Variants in EFNA5 observed in about 807,000 individuals in gnomAD.
The protein encoded by EFNA5 is ephrin A5.
Under a neutral mutation model 22.9 loss-of-function variants are expected in EFNA5, and 5 were observed. The ratio of observed to expected loss-of-function variants is 0.22; its 90% CI spans 0.11 to 0.46. The LOEUF (loss-of-function observed/expected upper bound fraction) is 0.46, where lower values mean the gene tolerates loss of function less well. Ranked by LOEUF, EFNA5 falls within the 20% of genes least tolerant of loss-of-function variation. EFNA5 has a pLI of 0.99. For missense variants in EFNA5, 237 were observed against 293.3 expected, an observed-to-expected ratio of 0.81 and a Z score of 1.40; for synonymous variants, 113 against 112.2, an observed-to-expected ratio of 1.01 and a Z score of -0.04.
chr5:107,667,754 T>A (rs1438868092), intron 1 of EFNA5, among the ~76,000 whole-genome samples: 1 of 152,162 alleles, frequency 6.6e-6, no homozygotes, highest in African/African-American at 2.4e-5. Context: ...CTTACTAGTT[T>A]AGCAAAATTT....
At chr5:107,585,887 T>G (rs1749177018) in intron 1 of EFNA5, among the ~76,000 whole-genome samples, 1 of 152,186 alleles carries the variant, frequency 6.6e-6, no homozygotes, top group African/African-American at 2.4e-5. Context: ...AAAGTAAAAT[T>G]ACATTTTGGG....
rs138634544 is a variant in EFNA5, at chr5:107,562,250, T to A, written c.125+108239A>T. Among the ~76,000 whole-genome samples, 197 of 152,304 alleles carry A rather than the reference T, an allele frequency of 1.3e-3. 1 individual carries two copies. Among genetic ancestry groups the A allele is most frequent in the African/African-American group, 4.5e-3 (187 of 41,584 alleles). ...TTTACAAGCTCTAATAAATTATGGA[T>A]AATTTACCAAATTAATACCAGTGAA... On this transcript the variant is annotated intron_variant, in intron 1 of 4. Coordinates refer to ENST00000333274, the MANE Select transcript of EFNA5 (RefSeq NM_001962.3).
At chr5:107,569,543 GTGTGTATATATATATTTATATATA>G (rs1748740130) in intron 1 of EFNA5, among the ~76,000 whole-genome samples, 1 of 113,696 alleles carries the variant, frequency 8.8e-6, no homozygotes, top group African/African-American at 3.0e-5. Context: ...ATATATATAT[GTGTGTATATATATATTTATATATA>G]TATATATATA....
At position 107,536,008 on chromosome 5, in the gene EFNA5, C is replaced by T. The variant is rs912045062; in HGVS notation, c.126-108499G>A. On this transcript the variant is annotated intron_variant, in intron 1 of 4. Coordinates refer to ENST00000333274, the MANE Select transcript of EFNA5 (RefSeq NM_001962.3). ...GCTGATTCCCTGGAATCCTCTATAT[C>T]CCTCTCCCCACTAGCCAAGCACTCA... 5.3e-5 allele frequency among the ~76,000 whole-genome samples: 8 copies of T among 152,270 alleles called. No individual in the cohort carries two copies. In the South Asian group the frequency reaches 1.0e-3, roughly 20 times the overall value.
chr5:107,613,887 A>G (rs762235138), intron 1 of EFNA5, among the ~76,000 whole-genome samples: 2 of 152,136 alleles, frequency 1.3e-5, no homozygotes, highest in Non-Finnish European at 2.9e-5. Flanking sequence ...AAGTTTTCAG[A>G]GCCTCCAATT....
At chr5:107,603,007 T>C (rs1749636414) in intron 1 of EFNA5, among the ~76,000 whole-genome samples, 1 of 152,184 alleles carries the variant, frequency 6.6e-6, no homozygotes, top group Non-Finnish European at 1.5e-5. Context: ...CATTCCGGTA[T>C]TACCAAGGAG....
chr5:107,662,217 G>A (rs1019332750), intron 1 of EFNA5, among the ~76,000 whole-genome samples: 1 of 152,080 alleles, frequency 6.6e-6, no homozygotes, highest in African/African-American at 2.4e-5. Flanking sequence ...AACTTTAACC[G>A]CGATACATGT....
intron 1 of EFNA5, among the ~76,000 whole-genome samples, chr5:107,461,185 A>G (rs1364909222): frequency 6.6e-6 from 1 of 152,176 alleles, no homozygotes; most frequent in Non-Finnish European, 1.5e-5. Flanking sequence ...AAACTCAAAA[A>G]TAAAAAAGCA....
chr5:107,468,227 A>G (rs1750044474), intron 1 of EFNA5, among the ~76,000 whole-genome samples: 1 of 152,232 alleles, frequency 6.6e-6, no homozygotes, highest in African/African-American at 2.4e-5. Flanking sequence ...TTATCACCCA[A>G]TAAAAAAGAA....
intron 1 of EFNA5, among the ~76,000 whole-genome samples, chr5:107,505,974 T>G (rs1747242567): frequency 6.6e-6 from 1 of 152,204 alleles, no homozygotes; most frequent in South Asian, 2.1e-4. Context: ...AGCCAAGATT[T>G]AAACCCTGGC....
chr5:107,612,613 G>A (rs888753866), intron 1 of EFNA5, among the ~76,000 whole-genome samples: 5 of 152,110 alleles, frequency 3.3e-5, no homozygotes, highest in African/African-American at 1.2e-4. Context: ...AGTTATCAGT[G>A]AGAGCATGTT....
At chr5:107,614,226 C>T (rs554446059) in intron 1 of EFNA5, among the ~76,000 whole-genome samples, 8 of 152,228 alleles carry the variant, frequency 5.3e-5, no homozygotes, top group African/African-American at 1.9e-4. Flanking sequence ...TAAGACAAAA[C>T]TGGATGGATC....
intron 4 of EFNA5, among the ~76,000 whole-genome samples, chr5:107,383,269 G>T (rs549540736): frequency 6.6e-6 from 1 of 152,182 alleles, no homozygotes; most frequent in Non-Finnish European, 1.5e-5. Flanking sequence ...ACTAGAAAAG[G>T]TTAGGAAGCA....
chr5:107,431,054 G>A lies in EFNA5; in HGVS notation c.126-3545C>T, dbSNP rs570358722. The stretch of plus-strand genomic sequence containing the variant: ...CTCCCGAAGTGCTGGGATTACAGGC[G>A]TGAGCCACCGCGCCCGGCCACAATT... On this transcript the variant is annotated intron_variant, in intron 1 of 4. Transcript: ENST00000333274. Among the ~76,000 whole-genome samples, 76 of 152,262 alleles carry A rather than the reference G, an allele frequency of 5.0e-4. 1 individual carries two copies. The highest frequency in any genetic ancestry group is 3.4e-3 in the Middle Eastern group (1 of 294).
chr5:107,481,174 T>A (rs1750449531), intron 1 of EFNA5, among the ~76,000 whole-genome samples: 1 of 152,134 alleles, frequency 6.6e-6, no homozygotes, highest in Non-Finnish European at 1.5e-5. Context: ...CTGAGAAGTG[T>A]CAACTGCAAA....
At chr5:107,583,874 G>A (rs1480804320) in intron 1 of EFNA5, among the ~76,000 whole-genome samples, 1 of 152,114 alleles carries the variant, frequency 6.6e-6, no homozygotes, top group Non-Finnish European at 1.5e-5. Context: ...AAGACACCCA[G>A]AGCCAACCAG....
chr5:107,419,867 C>T (rs1164246577), intron 2 of EFNA5, among the ~76,000 whole-genome samples: 2 of 151,938 alleles, frequency 1.3e-5, no homozygotes, highest in East Asian at 1.9e-4. Context: ...AAGTAAAATG[C>T]ACACACACAC....
chr5:107,429,809 A>G (rs963862974), intron 1 of EFNA5, among the ~76,000 whole-genome samples: 4 of 152,246 alleles, frequency 2.6e-5, no homozygotes, highest in Non-Finnish European at 5.9e-5. Context: ...ATAAAATATT[A>G]ATTTTAAAAT....
chr5:107,617,495 C>T (rs1315707360), intron 1 of EFNA5, among the ~76,000 whole-genome samples: 1 of 152,168 alleles, frequency 6.6e-6, no homozygotes, highest in East Asian at 1.9e-4. Context: ...CCAGCACCAC[C>T]ACCCAATGCT....
Sources: allele counts gnomAD v4.1 joint callset (sites outside exome capture counted in the v4.1 genomes callset), GRCh38; gene constraint gnomAD v4.1.1; transcripts MANE v1.5; gene names NCBI Gene and HGNC (gene_info 2026-07-23, HGNC 2026-07-21).